ATP6V1C1: variants seen among roughly 807,000 people sequenced by gnomAD.
ATP6V1C1 encodes the protein ATPase H+ transporting V1 subunit C1, also known as V-type proton ATPase subunit C 1.
Under a neutral mutation model 53.9 loss-of-function variants are expected in ATP6V1C1, and 45 were observed. The ratio of observed to expected loss-of-function variants is 0.83; its 90% CI spans 0.66 to 1.07. The LOEUF (loss-of-function observed/expected upper bound fraction) is 1.07. Among genes scored for constraint, ATP6V1C1 ranks in the 50% least tolerant of loss-of-function variants. The probability of loss-of-function intolerance (pLI) is 0.00; values close to 1 mark genes in which losing one functional copy is unlikely to be tolerated. For missense variants in ATP6V1C1, 315 were observed against 440.3 expected (o/e 0.72, Z 2.55); for synonymous variants, 153 against 155.2 (o/e 0.99, Z 0.11).
intron 1 of ATP6V1C1, among the ~76,000 whole-genome samples, chr8:103,037,599 T>G (rs1222111487): frequency 6.6e-6 from 1 of 152,206 alleles, no homozygotes; most frequent in Non-Finnish European, 1.5e-5. Flanking sequence ...GATTATTCTC[T>G]GAATATCCAT....
chr8:103,038,510 A>G (rs746297725), intron 1 of ATP6V1C1, among the ~76,000 whole-genome samples: 1 of 152,170 alleles, frequency 6.6e-6, no homozygotes, highest in Non-Finnish European at 1.5e-5. Context: ...ACTTTTATCT[A>G]TCCCAGAAAA....
chr8:103,056,157 G>A (rs1315865734), intron 8 of ATP6V1C1, among the ~76,000 whole-genome samples: 1 of 152,152 alleles, frequency 6.6e-6, no homozygotes, highest in African/African-American at 2.4e-5. Flanking sequence ...GGCCAGTGAG[G>A]TATTAATAGT....
chr8:103,055,566 A>G (rs1212399900), intron 7 of ATP6V1C1, among the ~76,000 whole-genome samples: 1 of 152,180 alleles, frequency 6.6e-6, no homozygotes, highest in Non-Finnish European at 1.5e-5. Flanking sequence ...CATATGAACT[A>G]TGCAGCTTGA....
chr8:103,055,471 G>T (rs534315651), intron 7 of ATP6V1C1, among the ~76,000 whole-genome samples: 1 of 151,886 alleles, frequency 6.6e-6, no homozygotes, highest in African/African-American at 2.4e-5. Context: ...CATAAATATA[G>T]TTTTTTTTCA....
At chr8:103,056,940 A>G (rs903536251) in intron 8 of ATP6V1C1, among the ~76,000 whole-genome samples, 18 of 151,954 alleles carry the variant, frequency 1.2e-4, no homozygotes, top group African/African-American at 1.9e-4. Context: ...TCTGAGTTCT[A>G]TTGCTGGTTC....
At chr8:103,053,771 T>G in intron 6 of ATP6V1C1, 113 bp from the exon 7 acceptor site, 1 of 728,506 alleles carries the variant, frequency 1.4e-6, no homozygotes, top group Non-Finnish European at 2.3e-6. Context: ...TGACTAAGAC[T>G]AATCCCTCTC....
intron 1 of ATP6V1C1, among the ~76,000 whole-genome samples, 182 bp from the exon 2 acceptor site, chr8:103,040,616 G>T (rs539345296): frequency 6.6e-6 from 1 of 151,942 alleles, no homozygotes; most frequent in African/African-American, 2.4e-5. Context: ...TAAATAAATC[G>T]TTTTTTCACC....
chr8:103,059,864 C>G (rs1817362570), intron 8 of ATP6V1C1, among the ~76,000 whole-genome samples: 1 of 116,326 alleles, frequency 8.6e-6, no homozygotes, highest in African/African-American at 3.4e-5. Flanking sequence ...ATTTTGACTG[C>G]CTGCCCCCAG....
intron 8 of ATP6V1C1, among the ~76,000 whole-genome samples, chr8:103,058,021 G>A (rs768930452): frequency 2.0e-5 from 3 of 152,116 alleles, no homozygotes; most frequent in Non-Finnish European, 4.4e-5. Context: ...TGAGGACGTG[G>A]TGCACCCAGA....
At chr8:103,026,570 C>T (rs62525310) in intron 1 of ATP6V1C1, among the ~76,000 whole-genome samples, 58,657 of 151,968 alleles carry the variant, frequency 0.39, 11,841 homozygotes, top group African/African-American at 0.51. Context: ...CTTTGGGAAG[C>T]GGAGGCAAAG....
chr8:103,044,851 T>C (rs1202793594), intron 3 of ATP6V1C1, among the ~76,000 whole-genome samples: 1 of 152,192 alleles, frequency 6.6e-6, no homozygotes, highest in Non-Finnish European at 1.5e-5. Flanking sequence ...TCTTTATCCA[T>C]GAACATCGGA....
chr8:103,029,200 A>G (rs1039462442), intron 1 of ATP6V1C1, among the ~76,000 whole-genome samples: 1 of 151,906 alleles, frequency 6.6e-6, no homozygotes, highest in Non-Finnish European at 1.5e-5. Context: ...GTGGGTTTTG[A>G]TAAATATTGC....
At chr8:103,033,877 C>T (rs1458157394) in intron 1 of ATP6V1C1, among the ~76,000 whole-genome samples, 1 of 152,176 alleles carries the variant, frequency 6.6e-6, no homozygotes, top group African/African-American at 2.4e-5. Context: ...GAACATTTGA[C>T]AGTTCTAATT....
intron 3 of ATP6V1C1, among the ~76,000 whole-genome samples, chr8:103,044,437 C>A (rs1055645237): frequency 6.6e-6 from 1 of 152,096 alleles, no homozygotes; most frequent in African/African-American, 2.4e-5. Context: ...CAACTTGATT[C>A]TTTTGGATGT....
At position 103,068,764 on chromosome 8, in the gene ATP6V1C1, C is replaced by T. The variant is rs559796889; in HGVS notation, c.*17C>T. On this transcript the variant is annotated 3_prime_UTR_variant, in exon 13 of 13. Coordinates refer to ENST00000518738, the MANE Select transcript of ATP6V1C1 (RefSeq NM_001695.5). Reference sequence around the variant, plus strand: ...TTCAAGTGAAAATGGGCTCCTCCCCCGACAATCCTGTCCTTGTGTTTGTGT... The same window carrying T: ...TTCAAGTGAAAATGGGCTCCTCCCCTGACAATCCTGTCCTTGTGTTTGTGT... 15 of 1,590,730 alleles carry T rather than the reference C, an allele frequency of 9.4e-6. No homozygotes were observed. The highest frequency in any genetic ancestry group is 9.0e-5 in the East Asian group (4 of 44,474).
chr8:103,044,176 G>A (rs535930141), intron 3 of ATP6V1C1, among the ~76,000 whole-genome samples: 19 of 152,304 alleles, frequency 1.2e-4, no homozygotes, highest in South Asian at 1.2e-3. Flanking sequence ...GAGCCACCGC[G>A]CCTGGCCATG....
chr8:103,061,082 A>G (rs1203475469), intron 8 of ATP6V1C1, among the ~76,000 whole-genome samples: 1 of 152,240 alleles, frequency 6.6e-6, no homozygotes, highest in South Asian at 2.1e-4. Flanking sequence ...TTGGCAAAGC[A>G]GAAGATCCTT....
intron 3 of ATP6V1C1, among the ~76,000 whole-genome samples, chr8:103,045,295 G>A (rs1002227478): frequency 1.3e-5 from 2 of 152,176 alleles, no homozygotes; most frequent in Non-Finnish European, 2.9e-5. Context: ...TGAGGTCAGG[G>A]TTACAGAGAG....
chr8:103,045,264 C>T (rs1383230915), intron 3 of ATP6V1C1, among the ~76,000 whole-genome samples: 6 of 152,098 alleles, frequency 3.9e-5, no homozygotes, highest in East Asian at 1.9e-4. Context: ...CACCTGAAAG[C>T]GATGCTGTGG....
Sources: gnomAD v4.1 joint callset for allele counts (sites outside exome capture counted in the v4.1 genomes callset) on GRCh38, gnomAD v4.1.1 for gene constraint, MANE v1.5 for transcripts, NCBI Gene and HGNC (gene_info 2026-07-23, HGNC 2026-07-21) for gene names.